CHCHD3: variants seen among roughly 807,000 people sequenced by gnomAD.
The protein encoded by CHCHD3 is MICOS complex subunit MIC19.
A neutral mutation model predicts 38.2 loss-of-function variants in CHCHD3; 20 were observed. That is an observed-to-expected ratio of 0.52 (90% confidence interval 0.37 to 0.76). The LOEUF (loss-of-function observed/expected upper bound fraction) is 0.76. CHCHD3 is among the 30% of genes least tolerant of loss of function. The probability of loss-of-function intolerance (pLI) is 0.00; values close to 1 mark genes in which losing one functional copy is unlikely to be tolerated. For synonymous variants in CHCHD3, 82 were observed against 100.0 expected, an observed-to-expected ratio of 0.82 and a Z score of 1.07; for missense variants, 245 against 279.2, an observed-to-expected ratio of 0.88 and a Z score of 0.87.
At chr7:132,867,580 T>G (rs957795310) in intron 5 of CHCHD3, among the ~76,000 whole-genome samples, 2 of 152,110 alleles carry the variant, frequency 1.3e-5, no homozygotes, top group Admixed American at 6.5e-5. Flanking sequence ...CCCTTCTCTC[T>G]CCTTAAAACG....
At chr7:132,988,089 C>A (rs12155297) in intron 3 of CHCHD3, among the ~76,000 whole-genome samples, 1 of 151,952 alleles carries the variant, frequency 6.6e-6, no homozygotes, top group Non-Finnish European at 1.5e-5. Context: ...ATGACTATTA[C>A]TAGTTCAGTT....
chr7:133,047,385 T>G (rs981118859), intron 2 of CHCHD3, among the ~76,000 whole-genome samples: 1 of 152,178 alleles, frequency 6.6e-6, no homozygotes, highest in Non-Finnish European at 1.5e-5. Flanking sequence ...ATCATCTACA[T>G]TTCTGTCACT....
At chr7:133,011,160 G>A (rs1345318943) in intron 3 of CHCHD3, among the ~76,000 whole-genome samples, 2 of 152,088 alleles carry the variant, frequency 1.3e-5, no homozygotes, top group Non-Finnish European at 2.9e-5. Context: ...ATGAGAGGGT[G>A]GTAACATAGG....
At chr7:132,999,260 A>G (rs1449397057) in intron 3 of CHCHD3, among the ~76,000 whole-genome samples, 1 of 152,190 alleles carries the variant, frequency 6.6e-6, no homozygotes, top group Admixed American at 6.5e-5. Flanking sequence ...TTTGCCACAT[A>G]CTGAATTTAG....
In CHCHD3 at chr7:133,081,938, G is replaced by T. The variant is rs1447902043; in HGVS notation, c.-1C>A. ...GGCGGGTGCTGGTGGTCCCACCCAT[G>T]ATTCCGGTTCCTGCCCCAGCGGAGA... On this transcript the variant is annotated 5_prime_UTR_variant, in exon 1 of 8. Coordinates refer to ENST00000262570, the MANE Select transcript of CHCHD3 (RefSeq NM_017812.4). 6 of 1,549,704 alleles carry T rather than the reference G, an allele frequency of 3.9e-6. No homozygotes were observed. The highest frequency in any genetic ancestry group is 5.2e-6 in the Non-Finnish European group (6 of 1,146,736).
rs374022840 is a variant in CHCHD3 at position 132,838,495 on chromosome 7, G to A, written c.454-26C>T. ...CTGTGGACAAAGATTGATAGCAAAG[G>A]TTTCACTATCCAAGATGACAAAATG... On this transcript the variant is annotated intron_variant, in intron 5 of 7. Coordinates refer to ENST00000262570, the MANE Select transcript of CHCHD3 (RefSeq NM_017812.4). 857 of 1,528,730 alleles carry A rather than the reference G, an allele frequency of 5.6e-4. 1 individual carries two copies. Among genetic ancestry groups the A allele is most frequent in the Non-Finnish European group, 6.0e-4 (670 of 1,108,756 alleles). The allele number at this position is 1,528,730 out of a possible 1,614,324, so 94.7% of individuals were successfully genotyped here. A position where few individuals can be genotyped will look rare whatever the true frequency, so the allele number is the denominator to read the frequency against.
intron 4 of CHCHD3, among the ~76,000 whole-genome samples, chr7:132,905,900 A>G (rs1446066993): frequency 2.0e-5 from 3 of 152,322 alleles, no homozygotes; most frequent in African/African-American, 4.8e-5. Context: ...AAATATATTC[A>G]CGGAAAGTAA....
intron 2 of CHCHD3, among the ~76,000 whole-genome samples, chr7:133,042,846 T>A (rs1239094410): frequency 6.6e-6 from 1 of 151,694 alleles, no homozygotes; most frequent in East Asian, 1.9e-4. Context: ...CATGACAAAG[T>A]TTTTTTTTGT....
At chr7:133,031,761 C>G (rs765004284) in intron 2 of CHCHD3, among the ~76,000 whole-genome samples, 7 of 152,002 alleles carry the variant, frequency 4.6e-5, no homozygotes, top group Non-Finnish European at 8.8e-5. Flanking sequence ...TCCAAGAGAA[C>G]AAAATAAATA....
intron 3 of CHCHD3, among the ~76,000 whole-genome samples, chr7:133,021,339 A>C (rs1213822292): frequency 6.6e-6 from 1 of 152,182 alleles, no homozygotes; most frequent in Non-Finnish European, 1.5e-5. Context: ...CATGCAAAGA[A>C]ATTCAGCCAC....
chr7:132,919,654 C>A (rs1810209832), intron 4 of CHCHD3, among the ~76,000 whole-genome samples: 1 of 152,198 alleles, frequency 6.6e-6, no homozygotes. Context: ...AGTTTAGTCA[C>A]ACGCCTCTAT....
intron 2 of CHCHD3, among the ~76,000 whole-genome samples, chr7:133,050,111 C>T (rs1286460405): frequency 1.3e-5 from 2 of 151,934 alleles, no homozygotes; most frequent in African/African-American, 2.4e-5. Flanking sequence ...CTTTGGGAGG[C>T]TGAGGCGGGA....
chr7:132,837,705 A>G (rs745946871), intron 6 of CHCHD3, among the ~76,000 whole-genome samples: 39 of 152,160 alleles, frequency 2.6e-4, no homozygotes, highest in Admixed American at 2.0e-4. Context: ...TTTTTGCTTC[A>G]CTAATTTGCG....
chr7:133,074,864 A>G (rs1448261606), intron 1 of CHCHD3, among the ~76,000 whole-genome samples: 3 of 152,214 alleles, frequency 2.0e-5, no homozygotes, highest in African/African-American at 4.8e-5. Flanking sequence ...AGTGTTTTGC[A>G]CCATAAACTA....
At chr7:133,057,411 A>G (rs1464549855) in intron 2 of CHCHD3, among the ~76,000 whole-genome samples, 1 of 152,078 alleles carries the variant, frequency 6.6e-6, no homozygotes, top group African/African-American at 2.4e-5. Context: ...AAAAAATTAA[A>G]AATTGGCAGT....
chr7:132,917,379 G>A (rs6467450), intron 4 of CHCHD3, among the ~76,000 whole-genome samples: 30,573 of 151,992 alleles, frequency 0.2, 3,441 homozygotes, highest in South Asian at 0.27. Context: ...CACATAGTAG[G>A]AAAAAGTGAT....
At position 132,810,066 on chromosome 7, in the gene CHCHD3, A is replaced by G. The variant is rs893171597; in HGVS notation, c.525-13489T>C. ...GATATGTTTAAGGTAACTGGTAAGGAAAAGAACTTAGAAGGTGAGTTGCTA... is the reference window on the plus strand; with the variant it reads ...GATATGTTTAAGGTAACTGGTAAGGGAAAGAACTTAGAAGGTGAGTTGCTA... On this transcript the variant is annotated intron_variant, in intron 6 of 7. Transcript: ENST00000262570. Among the ~76,000 whole-genome samples the G allele has an allele frequency of 5.3e-5, 8 of 152,310 alleles. No homozygotes were observed. The East Asian group carries it at 1.5e-3, about 29-fold the overall frequency.
At chr7:132,820,878 A>G (rs1391976618) in intron 6 of CHCHD3, among the ~76,000 whole-genome samples, 1 of 152,154 alleles carries the variant, frequency 6.6e-6, no homozygotes, top group East Asian at 1.9e-4. Context: ...AAACTATGAC[A>G]AGGTTTTAGG....
chr7:132,976,483 T>A (rs1411290197), intron 3 of CHCHD3, among the ~76,000 whole-genome samples: 1 of 152,204 alleles, frequency 6.6e-6, no homozygotes, highest in African/African-American at 2.4e-5. Context: ...CCATAGTGCC[T>A]GGCACATAGA....
Sources: allele counts gnomAD v4.1 joint callset (sites outside exome capture counted in the v4.1 genomes callset), GRCh38; gene constraint gnomAD v4.1.1; transcripts MANE v1.5; gene names NCBI Gene and HGNC (gene_info 2026-07-23, HGNC 2026-07-21).